DEUP1: variants seen among roughly 807,000 people sequenced by gnomAD.
DEUP1 encodes the protein coiled-coil domain containing 67.
A neutral mutation model predicts 87.4 loss-of-function variants in DEUP1; 82 were observed. The ratio of observed to expected loss-of-function variants is 0.94; its 90% CI spans 0.78 to 1.13. DEUP1 has a LOEUF of 1.13. Ranked by LOEUF, DEUP1 falls within the 50% of genes most tolerant of loss-of-function variation. The pLI, the probability that DEUP1 is intolerant of heterozygous loss-of-function variation, is 0.00. For synonymous variants in DEUP1, 214 were observed against 222.7 expected (o/e 0.96, Z 0.35); for missense variants, 663 against 681.5 (o/e 0.97, Z 0.30).
intron 2 of DEUP1, among the ~76,000 whole-genome samples, chr11:93,336,652 A>G (rs953153980): frequency 3.9e-5 from 6 of 152,030 alleles, no homozygotes; most frequent in Non-Finnish European, 7.4e-5. Context: ...CCTGCCATCT[A>G]CTGTACCTGG....
rs1555048258 is a variant in DEUP1, at chr11:93,373,625, GTATA to G, written c.789+2368_789+2371del. On this transcript the variant is annotated intron_variant, in intron 7 of 13. Coordinates refer to ENST00000298050, the MANE Select transcript of DEUP1 (RefSeq NM_181645.4). ...TATATTTATATATGTATATATATACGTATATATATATATATATATATATATACGT... is the reference window on the plus strand; with the variant it reads ...TATATTTATATATGTATATATATACGTATATATATATATATATATATACGT... Among the ~76,000 whole-genome samples the G allele has an allele frequency of 1.5e-3, 98 of 67,008 alleles. 1 individual carries two copies. The highest frequency in any genetic ancestry group is 3.4e-3 in the African/African-American group (83 of 24,624). 44.0% of individuals were successfully genotyped at this position (67,008 alleles called of 152,430 possible).
chr11:93,346,194 A>T (rs997119245), intron 2 of DEUP1, among the ~76,000 whole-genome samples: 1 of 151,984 alleles, frequency 6.6e-6, no homozygotes, highest in African/African-American at 2.4e-5. Context: ...TGGATTCTCT[A>T]TTGTGTTCCA....
intron 12 of DEUP1, among the ~76,000 whole-genome samples, chr11:93,409,640 A>T (rs2134423602): frequency 6.6e-6 from 1 of 152,314 alleles, no homozygotes; most frequent in South Asian, 2.1e-4. Context: ...ACATTTGCTC[A>T]TAAGCTCATA....
intron 2 of DEUP1, among the ~76,000 whole-genome samples, chr11:93,353,915 C>G (rs777152327): frequency 1.1e-4 from 16 of 152,198 alleles, no homozygotes; most frequent in Non-Finnish European, 1.9e-4. Context: ...TCTGACAAGT[C>G]CTGGGGACAT....
At chr11:93,367,914 G>A (rs1462217053) in intron 5 of DEUP1, among the ~76,000 whole-genome samples, 12 of 152,188 alleles carry the variant, frequency 7.9e-5, no homozygotes, top group Non-Finnish European at 1.5e-5. Flanking sequence ...CTGGCACTTT[G>A]TCAGGCACTG....
intron 7 of DEUP1, 137 bp from the exon 8 acceptor site, chr11:93,385,259 CTA>C: frequency 2.5e-6 from 2 of 790,646 alleles, no homozygotes; most frequent in Non-Finnish European, 4.0e-6. Context: ...GAATGGAATT[CTA>C]TGAGACAGAA....
Position 93,394,529 on chromosome 11 carries a change from C to T in DEUP1, c.1112C>T (p.Ser371Phe). 1 of 1,610,242 alleles carries T rather than the reference C, an allele frequency of 6.2e-7. No homozygotes were observed. Among genetic ancestry groups the T allele is most frequent in the Non-Finnish European group, 8.5e-7 (1 of 1,178,064 alleles). ...CAGGAAAGAATGAGGAATGAAATCT[C>T]TGACCTAACAGAAGAGCTTCATCAG... The part of the protein sequence containing the change: ...SEQERMRNEI[S>F]DLTEELHQKE... Residue 371 changes from serine to phenylalanine, a missense_variant, in exon 10 of 14, where the codon TCT (serine) becomes TTT (phenylalanine). Coordinates refer to ENST00000298050, the MANE Select transcript of DEUP1 (RefSeq NM_181645.4).
chr11:93,373,653 G>A (rs7948572), intron 7 of DEUP1, among the ~76,000 whole-genome samples: 104 of 104,696 alleles, frequency 9.9e-4, no homozygotes, highest in Non-Finnish European at 1.4e-3. Flanking sequence ...ATATATATAC[G>A]TATATATATG....
rs758461577 is a variant in DEUP1 at position 93,414,956 on chromosome 11, T to C, written c.1524-44T>C. ...AAATCCTTAGCTACATAAATAAACA[T>C]GTGTCCTTGATAGCAACAACAACAA... On this transcript the variant is annotated intron_variant, in intron 12 of 13. Coordinates refer to ENST00000298050, the MANE Select transcript of DEUP1 (RefSeq NM_181645.4). 6 of 1,069,584 alleles carry C rather than the reference T, an allele frequency of 5.6e-6. No individual in the cohort carries two copies. In the African/African-American group the frequency reaches 9.7e-5, roughly 17 times the overall value. 66.3% of individuals were successfully genotyped at this position (1,069,584 alleles called of 1,614,324 possible).
chr11:93,352,756 C>G (rs576388576), intron 2 of DEUP1, among the ~76,000 whole-genome samples: 7 of 152,236 alleles, frequency 4.6e-5, no homozygotes, highest in African/African-American at 1.7e-4. Flanking sequence ...AAAGTGGAAA[C>G]CCCTGATAAA....
chr11:93,339,542 T>C (rs958119056), intron 2 of DEUP1, among the ~76,000 whole-genome samples: 35 of 152,284 alleles, frequency 2.3e-4, no homozygotes, highest in Non-Finnish European at 3.7e-4. Flanking sequence ...AAATTACCCA[T>C]AGAGGCTATC....
intron 4 of DEUP1, among the ~76,000 whole-genome samples, chr11:93,363,291 A>G (rs536065341): frequency 6.6e-6 from 1 of 151,882 alleles, no homozygotes; most frequent in African/African-American, 2.4e-5. Flanking sequence ...AATAGTCTAT[A>G]TCTAGATTGT....
chr11:93,401,119 C>A (rs1947104916), intron 11 of DEUP1, among the ~76,000 whole-genome samples: 1 of 151,946 alleles, frequency 6.6e-6, no homozygotes. Context: ...TAAAAACATA[C>A]CAAAACAAGT....
Position 93,398,404 on chromosome 11 carries a change from T to C in DEUP1, c.1326+2079T>C, listed in dbSNP as rs1947008333. Among the ~76,000 whole-genome samples the C allele has an allele frequency of 3.3e-5, 5 of 152,304 alleles. No individual in the cohort carries two copies. In the South Asian group the frequency reaches 1.0e-3, roughly 32 times the overall value. ...AAATCCTTATACTTACACCTTGGAA[T>C]AGCTTCCTAGGAGTAAAATTGCTAA... is the stretch of plus-strand genomic sequence containing the variant. On this transcript the variant is annotated intron_variant, in intron 11 of 13. Transcript: ENST00000298050.
chr11:93,342,645 G>T (rs1944139201), intron 2 of DEUP1, among the ~76,000 whole-genome samples: 1 of 152,212 alleles, frequency 6.6e-6, no homozygotes, highest in South Asian at 2.1e-4. Context: ...ACTGGGAAAT[G>T]TGGTTGTTTC....
At chr11:93,340,536 C>T (rs943937429) in intron 2 of DEUP1, among the ~76,000 whole-genome samples, 1 of 152,102 alleles carries the variant, frequency 6.6e-6, no homozygotes, top group African/African-American at 2.4e-5. Flanking sequence ...AAGGGAGTGA[C>T]ATTTTCTGAC....
At chr11:93,380,934 C>G (rs1946274705) in intron 7 of DEUP1, among the ~76,000 whole-genome samples, 1 of 152,108 alleles carries the variant, frequency 6.6e-6, no homozygotes, top group South Asian at 2.1e-4. Context: ...AAAACAAAAT[C>G]TGTTGTAGAA....
intron 2 of DEUP1, among the ~76,000 whole-genome samples, chr11:93,353,214 A>G (rs1944712850): frequency 6.6e-6 from 1 of 152,210 alleles, no homozygotes; most frequent in Non-Finnish European, 1.5e-5. Context: ...GGCCCCATGC[A>G]TGTTTGAAAT....
At chr11:93,419,530 C>CA (rs1947791940) in intron 13 of DEUP1, among the ~76,000 whole-genome samples, 1 of 152,064 alleles carries the variant, frequency 6.6e-6, no homozygotes, top group Non-Finnish European at 1.5e-5. Flanking sequence ...TGAAATGGGT[C>CA]AAACCACCTA....
Sources: gnomAD v4.1 joint callset for allele counts (sites outside exome capture counted in the v4.1 genomes callset) on GRCh38, gnomAD v4.1.1 for gene constraint, MANE v1.5 for transcripts, NCBI Gene and HGNC (gene_info 2026-07-23, HGNC 2026-07-21) for gene names.